CYP39A1: variants seen among roughly 807,000 people sequenced by gnomAD.
CYP39A1 encodes 24-hydroxycholesterol 7-alpha-hydroxylase.
In CYP39A1, 49 loss-of-function variants were observed where a neutral mutation model predicts 58.1. That is an observed-to-expected ratio of 0.84 (90% CI 0.67 to 1.07). The LOEUF (loss-of-function observed/expected upper bound fraction) is 1.07. Among genes scored for constraint, CYP39A1 ranks in the 50% least tolerant of loss-of-function variants. CYP39A1 has a pLI of 0.00. For synonymous variants in CYP39A1, 209 were observed against 187.6 expected, an observed-to-expected ratio of 1.11 and a Z score of -0.93; for missense variants, 531 against 539.4, an observed-to-expected ratio of 0.98 and a Z score of 0.16.
intron 7 of CYP39A1, among the ~76,000 whole-genome samples, chr6:46,598,068 G>T (rs961299968): frequency 6.6e-6 from 1 of 152,064 alleles, no homozygotes; most frequent in Non-Finnish European, 1.5e-5. Flanking sequence ...TCCAAATTGT[G>T]TTCTATGAAA....
chr6:46,616,233 TCCC>T (rs1561994452), intron 7 of CYP39A1, among the ~76,000 whole-genome samples: 1,017 of 45,376 alleles, frequency 0.022, 130 homozygotes, highest in South Asian at 0.058. Context: ...CCTCCCTCCC[TCCC>T]TCCCTCCCTT....
intron 8 of CYP39A1, among the ~76,000 whole-genome samples, chr6:46,592,307 T>C (rs1263925321): frequency 1.3e-5 from 2 of 152,046 alleles, no homozygotes; most frequent in African/African-American, 4.8e-5. Flanking sequence ...GAGGAGAAAA[T>C]ATGAGCCTCT....
At chr6:46,608,979 T>G (rs1484709044) in intron 7 of CYP39A1, among the ~76,000 whole-genome samples, 1 of 152,088 alleles carries the variant, frequency 6.6e-6, no homozygotes, top group Admixed American at 6.6e-5. Context: ...TTTGTGGGAA[T>G]TTTTTTGTGA....
At chr6:46,639,462 C>G (rs764988290) in intron 3 of CYP39A1, 32 bp downstream of exon 3, 1 of 1,593,734 alleles carries the variant, frequency 6.3e-7, no homozygotes, top group Non-Finnish European at 8.5e-7. Flanking sequence ...AAACAAAAAG[C>G]AAGACTAAAT....
chr6:46,622,160 G>C (rs1162945988), intron 7 of CYP39A1, among the ~76,000 whole-genome samples: 2 of 152,082 alleles, frequency 1.3e-5, no homozygotes, highest in Non-Finnish European at 1.5e-5. Flanking sequence ...ATGGTCGTCA[G>C]AAGCTAGAAA....
chr6:46,637,220 A>C (rs887368489), intron 4 of CYP39A1, among the ~76,000 whole-genome samples: 2 of 152,180 alleles, frequency 1.3e-5, no homozygotes, highest in African/African-American at 4.8e-5. Flanking sequence ...CCCTCACCAG[A>C]ACGTGACCAT....
At chr6:46,563,709 G>T (rs1199662678) in intron 10 of CYP39A1, among the ~76,000 whole-genome samples, 1 of 152,178 alleles carries the variant, frequency 6.6e-6, no homozygotes, top group East Asian at 1.9e-4. Flanking sequence ...TACACCATGA[G>T]GGCAAAAGAA....
In CYP39A1 at chr6:46,591,532, T is replaced by C. The variant is rs370501646; in HGVS notation, c.1066-3403A>G. On this transcript the variant is annotated intron_variant, in intron 8 of 11. Transcript: ENST00000275016. ...TGTTTTAGAAAACTATGTATCATGT[T>C]AGCATGTAAGAGGTTTTTGTTATTT... 2.6e-4 allele frequency among the ~76,000 whole-genome samples: 39 copies of C among 152,202 alleles called. No individual in the cohort carries two copies. In the East Asian group the frequency reaches 6.9e-3, roughly 27 times the overall value.
At chr6:46,652,364 G>C in intron 1 of CYP39A1, 42 bp downstream of exon 1, 1 of 1,547,306 alleles carries the variant, frequency 6.5e-7, no homozygotes, top group Non-Finnish European at 8.7e-7. Flanking sequence ...AAAAAAGAAA[G>C]CATTGTCTCC....
In CYP39A1 at chr6:46,620,836, C is replaced by T. The variant is rs572057867; in HGVS notation, c.931+4582G>A. The stretch of plus-strand genomic sequence containing the variant: ...AATACCTGATCACTAAATAATGGAG[C>T]AGAGACTTCTGTGGCCACCCATGAC... On this transcript the variant is annotated intron_variant, in intron 7 of 11. Transcript: ENST00000275016. Among the ~76,000 whole-genome samples, 6 of 152,216 alleles carry T rather than the reference C, an allele frequency of 3.9e-5. No individual in the cohort carries two copies. In the South Asian group the frequency reaches 1.2e-3, roughly 32 times the overall value.
At chr6:46,619,258 A>T (rs1373092003) in intron 7 of CYP39A1, among the ~76,000 whole-genome samples, 20 of 152,122 alleles carry the variant, frequency 1.3e-4, no homozygotes, top group Admixed American at 1.3e-3. Flanking sequence ...CAGAGGCTAG[A>T]CCAAGATACT....
At chr6:46,573,235 T>C (rs577737651) in intron 10 of CYP39A1, among the ~76,000 whole-genome samples, 95 of 152,270 alleles carry the variant, frequency 6.2e-4, no homozygotes, top group African/African-American at 2.2e-3. Context: ...GTTTATGACC[T>C]TGCAATGATA....
chr6:46,587,250 TA>T, intron 9 of CYP39A1, 85 bp from the exon 10 acceptor site: 1 of 873,874 alleles, frequency 1.1e-6, no homozygotes, highest in Non-Finnish European at 1.9e-6. Flanking sequence ...AATGACCTTG[TA>T]CAGCTAATCC....
intron 1 of CYP39A1, among the ~76,000 whole-genome samples, chr6:46,649,720 G>A (rs1330037060): frequency 2.0e-5 from 3 of 152,210 alleles, no homozygotes; most frequent in African/African-American, 7.2e-5. Flanking sequence ...AGTTGCCAAG[G>A]TTGGGAGTGA....
chr6:46,652,294 G>T (rs1762745599), intron 1 of CYP39A1, 112 bp downstream of exon 1: 1 of 1,033,182 alleles, frequency 9.7e-7, no homozygotes, highest in Non-Finnish European at 1.4e-6. Flanking sequence ...TTTAGTTGAG[G>T]CAAGCAGGTA....
Position 46,652,640 on chromosome 6 carries a change from GCTT to G in CYP39A1, c.-61_-59del, listed in dbSNP as rs1431740000. On this transcript the variant is annotated 5_prime_UTR_variant, in exon 1 of 12. Coordinates refer to ENST00000275016, the MANE Select transcript of CYP39A1 (RefSeq NM_016593.5). ...GTGTGAAACAGTCCTGCCGTCCCTT[GCTT>G]CTTTTCTGTGGGCTACGGAACCTGT... 1 of 1,467,818 alleles carries G rather than the reference GCTT, an allele frequency of 6.8e-7. No homozygotes were observed. The allele number at this position is 1,467,818 out of a possible 1,614,324, so 90.9% of individuals were successfully genotyped here.
intron 11 of CYP39A1, among the ~76,000 whole-genome samples, chr6:46,551,779 TCTC>T (rs1157717852): frequency 6.6e-6 from 1 of 152,138 alleles, no homozygotes; most frequent in Non-Finnish European, 1.5e-5. Flanking sequence ...ATCCCTGCCT[TCTC>T]CTAGAAGAGC....
chr6:46,587,162 G>A lies in CYP39A1; in HGVS notation c.1165C>T (p.Arg389Cys), dbSNP rs141809814. The A allele has an allele frequency of 7.3e-4, 1,178 of 1,603,244 alleles. 2 individuals carry two copies. Among genetic ancestry groups the A allele is most frequent in the South Asian group, 3.5e-3 (316 of 89,820 alleles). Residue 389 changes from arginine to cysteine, a missense_variant, in exon 10 of 12, where the codon CGT becomes TGT. By Grantham distance (180) the Arg-to-Cys change is radical. Transcript: ENST00000275016. ...TTCTCTAAATTTGCCTTTTTCCAAC[G>A]TTCCTGTGGGAAGAAAACATTTTTT... ...FPEPELFKPE[R>C]WKKANLEKHS...
chr6:46,641,893 C>T (rs1248161167), intron 2 of CYP39A1, among the ~76,000 whole-genome samples: 1 of 152,172 alleles, frequency 6.6e-6, no homozygotes, highest in Non-Finnish European at 1.5e-5. Context: ...GATACAGATT[C>T]CAAATATTCT....
Sources: allele counts gnomAD v4.1 joint callset (sites outside exome capture counted in the v4.1 genomes callset), GRCh38; gene constraint gnomAD v4.1.1; transcripts MANE v1.5; gene names NCBI Gene and HGNC (gene_info 2026-07-23, HGNC 2026-07-21).